TASOR: variants seen among roughly 807,000 people sequenced by gnomAD.
TASOR encodes the protein transcription activation suppressor.
TASOR carries 53 observed loss-of-function variants against 178.6 expected under a neutral mutation model. That is an observed-to-expected ratio of 0.30 (90% CI 0.24 to 0.37). The LOEUF (loss-of-function observed/expected upper bound fraction) is 0.37, where lower values mean the gene tolerates loss of function less well. Ranked by LOEUF, TASOR falls within the 10% of genes least tolerant of loss-of-function variation. TASOR has a pLI of 1.00. For missense variants in TASOR, 1,815 were observed against 1,971.4 expected, an observed-to-expected ratio of 0.92 and a Z score of 1.50; for synonymous variants, 713 against 696.2, an observed-to-expected ratio of 1.02 and a Z score of -0.38.
chr3:56,663,967 G>C (rs940479257), intron 7 of TASOR: 13 of 601,330 alleles, frequency 2.2e-5, no homozygotes, highest in Non-Finnish European at 2.7e-5. Context: ...ACAGTTCTAG[G>C]TAATAGGATT....
chr3:56,682,108 G>A (rs2107650577), intron 1 of TASOR, among the ~76,000 whole-genome samples: 1 of 152,322 alleles, frequency 6.6e-6, no homozygotes, highest in African/African-American at 2.4e-5. Flanking sequence ...AAATCTACAT[G>A]GAAATGAAGT....
rs1402798974 is a variant in TASOR at position 56,633,563 on chromosome 3, C to T, written c.3228G>A (p.Glu1076=). ...YSKTSKAGVQ[E]FVDGLHEKLN... is the part of the protein sequence containing the mutation. ...GCTTCTCATGCAAACCATCTACAAA[C>T]TCCTGCACACCAGCTTTGGAAGTCT... The change falls in exon 18 of 24, where the codon GAG becomes GAA. Residue 1076 remains glutamate (E), a synonymous_variant. Coordinates refer to ENST00000683822, the MANE Select transcript of TASOR (RefSeq NM_001365635.2). 1.2e-6 allele frequency: 2 copies of T among 1,614,174 alleles called. No homozygotes were observed. Among genetic ancestry groups the T allele is most frequent in the South Asian group, 1.1e-5 (1 of 91,084 alleles).
Position 56,627,148 on chromosome 3 carries a change from GT to G in TASOR, c.4031-4del. ...TGTCAAAAAATTTTTAAGGTTCTCT[GT>G]TAGAGATAATGAAGTTTGTTTTTAA... On this transcript the variant is annotated splice_region_variant and splice_polypyrimidine_tract_variant and intron_variant, in intron 20 of 23. Coordinates refer to ENST00000683822, the MANE Select transcript of TASOR (RefSeq NM_001365635.2). The G allele has an allele frequency of 6.5e-7, 1 of 1,529,102 alleles. No homozygotes were observed. Among genetic ancestry groups the G allele is most frequent in the Non-Finnish European group, 9.0e-7 (1 of 1,112,884 alleles). 94.7% of individuals were successfully genotyped at this position (1,529,102 alleles called of 1,614,324 possible). A position where few individuals can be genotyped will look rare whatever the true frequency, so the allele number is the denominator to read the frequency against.
Position 56,682,944 on chromosome 3 carries a change from G to A in TASOR, c.63C>T (p.Gly21=). The A allele has an allele frequency of 3.2e-6, 5 of 1,549,714 alleles. No homozygotes were observed. The highest frequency in any genetic ancestry group is 4.4e-6 in the Non-Finnish European group (5 of 1,146,614). Residue 21 remains glycine (G), a synonymous_variant, in exon 1 of 24, where the codon GGC becomes GGT. Coordinates refer to ENST00000683822, the MANE Select transcript of TASOR (RefSeq NM_001365635.2). The part of the protein sequence containing the change: ...QPTDASWESG[G]GGDDEMKQAL... ...CCTGCTTCATCTCGTCGTCTCCGCCGCCGCCACTTTCCCAACTCGCATCCG... is the reference window on the plus strand; with the variant it reads ...CCTGCTTCATCTCGTCGTCTCCGCCACCGCCACTTTCCCAACTCGCATCCG...
chr3:56,623,672 C>A, intron 23 of TASOR, 106 bp from the exon 24 acceptor site: 2 of 1,543,732 alleles, frequency 1.3e-6, no homozygotes, highest in South Asian at 1.3e-5. Flanking sequence ...GTCTGCAAGT[C>A]CACAATCCCT....
Position 56,653,363 on chromosome 3 carries a change from A to G in TASOR, c.1369-4306T>C, listed in dbSNP as rs144013504. 2.0e-4 allele frequency among the ~76,000 whole-genome samples: 30 copies of G among 151,472 alleles called. No individual in the cohort carries two copies. In the East Asian group the frequency reaches 5.8e-3, roughly 29 times the overall value. On this transcript the variant is annotated intron_variant, in intron 11 of 23. Transcript: ENST00000683822. ...ACTAATTTTCCAGAAAAAAAGACACAAATCCACAGATATGAAAGGAAAAGA... is the reference window on the plus strand; with the variant it reads ...ACTAATTTTCCAGAAAAAAAGACACGAATCCACAGATATGAAAGGAAAAGA...
In TASOR at chr3:56,621,700, A is replaced by G; in HGVS notation, c.*1337T>C. 2 of 927,218 alleles carry G rather than the reference A, an allele frequency of 2.2e-6. No homozygotes were observed. Among genetic ancestry groups the G allele is most frequent in the Non-Finnish European group, 3.3e-6 (2 of 605,330 alleles). 57.4% of individuals were successfully genotyped at this position (927,218 alleles called of 1,614,324 possible). On this transcript the variant is annotated 3_prime_UTR_variant, in exon 24 of 24. Coordinates refer to ENST00000683822, the MANE Select transcript of TASOR (RefSeq NM_001365635.2). ...CTCACTGGCTCAACTGTATTTTTCA[A>G]ATAGCCTAGATTTACTTATTTTTTT...
Position 56,620,706 on chromosome 3 carries a change from G to C in TASOR, c.*2331C>G, listed in dbSNP as rs936352114. On this transcript the variant is annotated 3_prime_UTR_variant, in exon 24 of 24. Coordinates refer to ENST00000683822, the MANE Select transcript of TASOR (RefSeq NM_001365635.2). ...AGTTATTTCTTTAGAGTGACGAAGT[G>C]TTAGTTTACTTCTTGCTTAGTGGAG... 5 of 152,220 alleles carry C rather than the reference G, an allele frequency of 3.3e-5. No homozygotes were observed. The highest frequency in any genetic ancestry group is 1.2e-4 in the African/African-American group (5 of 41,440). The allele number at this position is 152,220 out of a possible 1,614,324, so 9.4% of individuals were successfully genotyped here. A position where few individuals can be genotyped will look rare whatever the true frequency, so the allele number is the denominator to read the frequency against.
At chr3:56,639,238 T>C (rs1355291925) in intron 16 of TASOR, among the ~76,000 whole-genome samples, 1 of 152,226 alleles carries the variant, frequency 6.6e-6, no homozygotes, top group Non-Finnish European at 1.5e-5. Context: ...AAAAGTTGTT[T>C]GCTGTTGCTA....
intron 8 of TASOR, 52 bp from the exon 9 acceptor site, chr3:56,662,542 A>G (rs748229907): frequency 1.2e-6 from 1 of 843,516 alleles, no homozygotes; most frequent in Non-Finnish European, 1.8e-6. Flanking sequence ...AGCCCAGAGA[A>G]GTGAGTGCAC....
chr3:56,637,585 C>CT (rs55907625), intron 17 of TASOR, among the ~76,000 whole-genome samples: 34,878 of 146,710 alleles, frequency 0.24, 4,995 homozygotes, highest in South Asian at 0.45. Context: ...TTCATGGTTT[C>CT]TTTTTTTTTT....
Position 56,633,364 on chromosome 3 carries a change from T to C in TASOR, c.3427A>G (p.Lys1143Glu). ...TGCTGCTCATCAGAGTTGGTATCTTTCAAAGGATCACTACACAGTGGCTCA... is the reference window on the plus strand; with the variant it reads ...TGCTGCTCATCAGAGTTGGTATCTTCCAAAGGATCACTACACAGTGGCTCA... The part of the protein sequence containing the change: ...LLEPLCSDPL[K>E]DTNSDEQHST... The change falls in exon 18 of 24, where the codon AAA becomes GAA. Residue 1143 changes from lysine (K) to glutamate (E), a missense_variant. This residue lies in a region of TASOR where 655 missense variants were observed against 671.1 expected (regional missense o/e 0.98). Coordinates refer to ENST00000683822, the MANE Select transcript of TASOR (RefSeq NM_001365635.2). 1 of 1,614,190 alleles carries C rather than the reference T, an allele frequency of 6.2e-7. No homozygotes were observed. Among genetic ancestry groups the C allele is most frequent in the Non-Finnish European group, 8.5e-7 (1 of 1,180,020 alleles).
chr3:56,660,129 G>A (rs2077560920), intron 11 of TASOR, among the ~76,000 whole-genome samples: 1 of 151,908 alleles, frequency 6.6e-6, no homozygotes, highest in African/African-American at 2.4e-5. Flanking sequence ...CTAAAGTGCT[G>A]GGATTACAGG....
rs553014203 is a variant in TASOR at position 56,659,978 on chromosome 3, G to A, written c.1368+753C>T. 7.9e-5 allele frequency among the ~76,000 whole-genome samples: 12 copies of A among 151,804 alleles called. No homozygotes were observed. In the South Asian group the frequency reaches 1.3e-3, roughly 16 times the overall value. ...CAACCTCTTCCTCCTGGGTTCAAGC[G>A]ATTCTCCTGCCTCAGCCTCCCCAGT... On this transcript the variant is annotated intron_variant, in intron 11 of 23. Coordinates refer to ENST00000683822, the MANE Select transcript of TASOR (RefSeq NM_001365635.2).
chr3:56,682,934 C>A lies in TASOR; in HGVS notation c.73G>T (p.Asp25Tyr). 1 of 1,549,450 alleles carries A rather than the reference C, an allele frequency of 6.5e-7. No individual in the cohort carries two copies. The highest frequency in any genetic ancestry group is 1.2e-5 in the South Asian group (1 of 84,030). Reference sequence around the variant, plus strand: ...TCCGGAAGCGCCTGCTTCATCTCGTCGTCTCCGCCGCCGCCACTTTCCCAA... The same window carrying A: ...TCCGGAAGCGCCTGCTTCATCTCGTAGTCTCCGCCGCCGCCACTTTCCCAA... ...ASWESGGGGDDEMKQALPELE... is the reference protein window; with the variant it reads ...ASWESGGGGDYEMKQALPELE... Residue 25 changes from aspartate (D) to tyrosine (Y), a missense_variant, in exon 1 of 24, where the codon GAC becomes TAC. Asp to Tyr is a radical substitution (Grantham distance 160). Coordinates refer to ENST00000683822, the MANE Select transcript of TASOR (RefSeq NM_001365635.2).
chr3:56,670,678 G>C (rs2030591223), intron 3 of TASOR, among the ~76,000 whole-genome samples: 1 of 152,144 alleles, frequency 6.6e-6, no homozygotes, highest in Non-Finnish European at 1.5e-5. Flanking sequence ...GCTCACGCCT[G>C]TAATACCAGC....
chr3:56,677,932 C>T (rs1384259025), intron 1 of TASOR, among the ~76,000 whole-genome samples: 2 of 152,098 alleles, frequency 1.3e-5, no homozygotes, highest in African/African-American at 4.8e-5. Context: ...GATCGATTTC[C>T]ATTAAATGCC....
intron 11 of TASOR, among the ~76,000 whole-genome samples, chr3:56,658,267 A>C (rs1310664981): frequency 6.6e-6 from 1 of 152,162 alleles, no homozygotes; most frequent in African/African-American, 2.4e-5. Flanking sequence ...TTACTTCTTG[A>C]TTCTGGAAAA....
chr3:56,624,409 T>C (rs951189249), intron 23 of TASOR, 70 bp downstream of exon 23: 1 of 1,517,500 alleles, frequency 6.6e-7, no homozygotes, highest in African/African-American at 1.4e-5. Flanking sequence ...CATTTCATTA[T>C]TTGGTAACAG....
Sources: gnomAD v4.1 joint callset for allele counts (sites outside exome capture counted in the v4.1 genomes callset) on GRCh38, gnomAD v4.1.1 for gene constraint, gnomAD v4.1.1 regional missense constraint, MANE v1.5 for transcripts, NCBI Gene and HGNC (gene_info 2026-07-23, HGNC 2026-07-21) for gene names.